The following TACR3 variants were observed in gnomAD, a reference collection of about 807,000 sequenced individuals.
TACR3 encodes the protein tachykinin receptor 3.
Under a neutral mutation model 35.0 loss-of-function variants are expected in TACR3, and 34 were observed. That is an observed-to-expected ratio of 0.97 (90% CI 0.74 to 1.30). The LOEUF (loss-of-function observed/expected upper bound fraction) is 1.30. TACR3 is among the 50% of genes most tolerant of loss of function. The pLI, the probability that TACR3 is intolerant of heterozygous loss-of-function variation, is 0.00. For synonymous variants in TACR3, 233 were observed against 221.1 expected, an observed-to-expected ratio of 1.05 and a Z score of -0.48; for missense variants, 558 against 591.7, an observed-to-expected ratio of 0.94 and a Z score of 0.59.
chr4:103,654,809 T>C (rs1442898011), intron 3 of TACR3, among the ~76,000 whole-genome samples: 2 of 152,182 alleles, frequency 1.3e-5, no homozygotes, highest in African/African-American at 4.8e-5. Context: ...TGATGATACC[T>C]AAGATATAGC....
At chr4:103,635,800 A>G (rs1471323682) in intron 3 of TACR3, among the ~76,000 whole-genome samples, 1 of 152,024 alleles carries the variant, frequency 6.6e-6, no homozygotes, top group Non-Finnish European at 1.5e-5. Context: ...TTTATGAATA[A>G]GTTAATGAGC....
chr4:103,703,509 T>G (rs1722712581), intron 1 of TACR3, among the ~76,000 whole-genome samples: 1 of 152,204 alleles, frequency 6.6e-6, no homozygotes. Context: ...ATCGGACTGT[T>G]AAATCCATGG....
At chr4:103,609,052 A>T (rs1439343488) in intron 3 of TACR3, among the ~76,000 whole-genome samples, 1 of 152,124 alleles carries the variant, frequency 6.6e-6, no homozygotes, top group Non-Finnish European at 1.5e-5. Flanking sequence ...TATTTCATAT[A>T]AAATTGAAAG....
intron 1 of TACR3, among the ~76,000 whole-genome samples, chr4:103,713,372 A>G (rs2110232516): frequency 6.6e-6 from 1 of 151,098 alleles, no homozygotes; most frequent in African/African-American, 2.4e-5. Flanking sequence ...TATTGCAATG[A>G]CAAAAAACCA....
chr4:103,650,862 CATATATAATAATATATATATCTT>C (rs1725599210), intron 3 of TACR3, among the ~76,000 whole-genome samples: 2 of 15,916 alleles, frequency 1.3e-4, no homozygotes, highest in South Asian at 1.6e-3. Flanking sequence ...ATATATATCT[CATATATAATAATATATATATCTT>C]ATATATAATA....
At chr4:103,638,167 T>C in intron 3 of TACR3, among the ~76,000 whole-genome samples, 1 of 151,952 alleles carries the variant, frequency 6.6e-6, no homozygotes, top group Admixed American at 6.6e-5. Flanking sequence ...GCTGGAGGCA[T>C]CACACTACCT....
chr4:103,642,900 G>GTT (rs1725386058), intron 3 of TACR3, among the ~76,000 whole-genome samples: 1 of 151,774 alleles, frequency 6.6e-6, no homozygotes. Flanking sequence ...TATGTATTGT[G>GTT]TTCGTGTATC....
chr4:103,664,498 G>A (rs748025299), intron 1 of TACR3, among the ~76,000 whole-genome samples: 1 of 152,126 alleles, frequency 6.6e-6, no homozygotes, highest in Non-Finnish European at 1.5e-5. Flanking sequence ...TAGAAACTAT[G>A]CAAAAAATAA....
intron 3 of TACR3, chr4:103,593,482 G>C (rs983839856): frequency 1.3e-5 from 2 of 152,134 alleles, no homozygotes; most frequent in Non-Finnish European, 2.9e-5. Flanking sequence ...TTATGAGAAT[G>C]TACTAGTTTA....
chr4:103,709,624 T>C (rs996327578), intron 1 of TACR3, among the ~76,000 whole-genome samples: 4 of 152,156 alleles, frequency 2.6e-5, no homozygotes, highest in South Asian at 2.1e-4. Context: ...CCAGCTAACA[T>C]CATAATGACA....
chr4:103,633,792 G>A (rs887153997), intron 3 of TACR3, among the ~76,000 whole-genome samples: 1 of 152,184 alleles, frequency 6.6e-6, no homozygotes, highest in African/African-American at 2.4e-5. Flanking sequence ...GTTTTCCTGA[G>A]CCCATTGTCT....
intron 1 of TACR3, among the ~76,000 whole-genome samples, chr4:103,693,886 T>G (rs1487973429): frequency 2.0e-5 from 3 of 152,148 alleles, no homozygotes; most frequent in Non-Finnish European, 2.9e-5. Flanking sequence ...GTTTATTCTG[T>G]GAGATATTTA....
intron 3 of TACR3, among the ~76,000 whole-genome samples, chr4:103,604,626 T>G (rs1290312867): frequency 1.3e-5 from 2 of 152,122 alleles, no homozygotes; most frequent in African/African-American, 4.8e-5. Flanking sequence ...GAGAATTTTT[T>G]TGCAATGTAT....
At position 103,713,664 on chromosome 4, in the gene TACR3, C is replaced by T. The variant is rs1723022882; in HGVS notation, c.548+5464G>A. On this transcript the variant is annotated intron_variant, in intron 1 of 4. Coordinates refer to ENST00000304883, the MANE Select transcript of TACR3 (RefSeq NM_001059.3). ...AAAAAAAGACAGAAAATCAATTAGA[C>T]AGAAAAAAATAGGAGCTCTTCAATC... is the stretch of plus-strand genomic sequence containing the variant. Among the ~76,000 whole-genome samples, 3 of 151,450 alleles carry T rather than the reference C, an allele frequency of 2.0e-5. No individual in the cohort carries two copies. The South Asian group carries it at 6.3e-4, about 32-fold the overall frequency.
intron 1 of TACR3, among the ~76,000 whole-genome samples, chr4:103,716,027 T>C (rs961300825): frequency 6.6e-6 from 1 of 152,174 alleles, no homozygotes; most frequent in African/African-American, 2.4e-5. Context: ...CATAATAGTG[T>C]AGAGGTGAAG....
rs538582031 is a variant in TACR3 at position 103,616,435 on chromosome 4, C to T, written c.889-24752G>A. Among the ~76,000 whole-genome samples the T allele has an allele frequency of 1.7e-3, 259 of 152,050 alleles. 3 individuals carry two copies. The highest frequency in any genetic ancestry group is 5.4e-3 in the African/African-American group (224 of 41,480). On this transcript the variant is annotated intron_variant, in intron 3 of 4. Transcript: ENST00000304883. ...ATATTTATCTCTCTATAGACACACA[C>T]ATATACATTATACTTGTGCATATAT...
intron 1 of TACR3, among the ~76,000 whole-genome samples, chr4:103,686,602 A>T (rs1722247475): frequency 6.6e-6 from 1 of 152,206 alleles, no homozygotes; most frequent in African/African-American, 2.4e-5. Context: ...ATTATATAAA[A>T]TGTCTGATTT....
chr4:103,637,987 T>G, intron 3 of TACR3, among the ~76,000 whole-genome samples: 1 of 152,054 alleles, frequency 6.6e-6, no homozygotes, highest in Non-Finnish European at 1.5e-5. Flanking sequence ...GTAGGAAGAA[T>G]CAATATCATA....
chr4:103,708,076 C>T (rs1722840505), intron 1 of TACR3, among the ~76,000 whole-genome samples: 1 of 152,198 alleles, frequency 6.6e-6, no homozygotes, highest in South Asian at 2.1e-4. Flanking sequence ...CCTCTGGGGG[C>T]AGGGCATAGC....
Sources: gnomAD v4.1 joint callset for allele counts (sites outside exome capture counted in the v4.1 genomes callset) on GRCh38, gnomAD v4.1.1 for gene constraint, MANE v1.5 for transcripts, NCBI Gene and HGNC (gene_info 2026-07-23, HGNC 2026-07-21) for gene names.